AKAIN1: variants seen among roughly 807,000 people sequenced by gnomAD.
The protein encoded by AKAIN1 is A-kinase anchor protein inhibitor 1.
A neutral mutation model predicts 3.7 loss-of-function variants in AKAIN1; 3 were observed. That is an observed-to-expected ratio of 0.82 (90% CI 0.37 to 2.12). The LOEUF is 2.12. Ranked by LOEUF, AKAIN1 falls within the 30% of genes most tolerant of loss-of-function variation. The probability of loss-of-function intolerance (pLI) is 0.06; values close to 1 mark genes in which losing one functional copy is unlikely to be tolerated. For synonymous variants in AKAIN1, 31 were observed against 30.8 expected (o/e 1.01, Z -0.02); for missense variants, 82 against 82.7 (o/e 0.99, Z 0.03).
intron 1 of AKAIN1, among the ~76,000 whole-genome samples, chr18:5,149,463 T>C (rs1353250543): frequency 1.3e-5 from 2 of 152,206 alleles, no homozygotes; most frequent in African/African-American, 4.8e-5. Flanking sequence ...CTGAGCTTCA[T>C]ATTACAACTC....
At chr18:5,172,530 A>G (rs1454460257) in intron 1 of AKAIN1, among the ~76,000 whole-genome samples, 2 of 152,112 alleles carry the variant, frequency 1.3e-5, no homozygotes, top group African/African-American at 4.8e-5. Context: ...TGCAATGTGC[A>G]TCTTATCTAA....
intron 1 of AKAIN1, among the ~76,000 whole-genome samples, chr18:5,160,417 C>T (rs1034490556): frequency 2.6e-5 from 4 of 152,088 alleles, no homozygotes; most frequent in African/African-American, 9.7e-5. Flanking sequence ...GTTATGTGCC[C>T]ATTTTTCTAC....
chr18:5,165,538 G>A (rs986505516), intron 1 of AKAIN1, among the ~76,000 whole-genome samples: 7 of 151,992 alleles, frequency 4.6e-5, no homozygotes, highest in Non-Finnish European at 1.0e-4. Context: ...CAAAGCAAAT[G>A]CTCAGGATTC....
chr18:5,181,284 C>A (rs906832963), intron 1 of AKAIN1, among the ~76,000 whole-genome samples: 1 of 152,028 alleles, frequency 6.6e-6, no homozygotes, highest in Non-Finnish European at 1.5e-5. Flanking sequence ...AGAGTAAGAC[C>A]TCATCTCAAA....
chr18:5,169,924 C>T lies in AKAIN1; in HGVS notation c.17-24169G>A, dbSNP rs536170790. ...GTAGGTTGCAGTTACTCTTCACCTGCAGCCTTTCAGGCCTGTGATGGCCTA... is the reference window on the plus strand; with the variant it reads ...GTAGGTTGCAGTTACTCTTCACCTGTAGCCTTTCAGGCCTGTGATGGCCTA... On this transcript the variant is annotated intron_variant, in intron 1 of 1. Coordinates refer to ENST00000434239, the MANE Select transcript of AKAIN1 (RefSeq NM_001145194.2). 1.8e-3 allele frequency among the ~76,000 whole-genome samples: 272 copies of T among 152,272 alleles called. 2 individuals are homozygous for T. Among genetic ancestry groups the T allele is most frequent in the African/African-American group, 6.2e-3 (257 of 41,570 alleles).
chr18:5,163,942 T>G (rs1009382297), intron 1 of AKAIN1: 5 of 152,092 alleles, frequency 3.3e-5, no homozygotes, highest in Non-Finnish European at 5.9e-5. Flanking sequence ...CATCATGTAC[T>G]GAGCAGCTTA....
Position 5,197,155 on chromosome 18 carries a change from GC to G in AKAIN1, c.-103del, listed in dbSNP as rs2071353435. On this transcript the variant is annotated 5_prime_UTR_variant, in exon 1 of 2. Coordinates refer to ENST00000434239, the MANE Select transcript of AKAIN1 (RefSeq NM_001145194.2). This position sits in a 1 kb window ranked among gnomAD's most constrained non-coding sequence, Gnocchi z 6.9. ...GGCGGGGTCCGGTGCAGGAGGGCGC[GC>G]TGGGCGGGCGGCGGGCGGGGCGGTC... is the stretch of plus-strand genomic sequence containing the variant. The G allele has an allele frequency of 6.6e-7, 1 of 1,523,670 alleles. No homozygotes were observed. Among genetic ancestry groups the G allele is most frequent in the African/African-American group, 1.4e-5 (1 of 71,318 alleles). 94.4% of individuals were successfully genotyped at this position (1,523,670 alleles called of 1,614,324 possible).
chr18:5,164,316 A>AAAGTAG (rs1223907651), intron 1 of AKAIN1, among the ~76,000 whole-genome samples: 1 of 152,110 alleles, frequency 6.6e-6, no homozygotes. Flanking sequence ...AGAATTCAGC[A>AAAGTAG]AAGTAGAAGA....
intron 1 of AKAIN1, among the ~76,000 whole-genome samples, chr18:5,167,064 C>T (rs1406488577): frequency 2.0e-5 from 3 of 151,982 alleles, no homozygotes; most frequent in South Asian, 2.1e-4. Context: ...CATACTAAAA[C>T]GTGTTAAAAA....
chr18:5,160,826 A>G (rs2071135029), intron 1 of AKAIN1, among the ~76,000 whole-genome samples: 1 of 152,080 alleles, frequency 6.6e-6, no homozygotes, highest in Admixed American at 6.6e-5. Flanking sequence ...TTCCCTACTG[A>G]CTTGCCATGC....
chr18:5,170,641 C>G lies in AKAIN1; in HGVS notation c.17-24886G>C, dbSNP rs182834275. 16 of 152,248 alleles carry G rather than the reference C, an allele frequency of 1.1e-4. No homozygotes were observed. In the East Asian group the frequency reaches 2.5e-3, roughly 24 times the overall value. 9.4% of individuals were successfully genotyped at this position (152,248 alleles called of 1,614,324 possible). A position where few individuals can be genotyped will look rare whatever the true frequency, so the allele number is the denominator to read the frequency against. ...AGATTGTTTTTCAAAATGACCAAAG[C>G]AATATGCCTGTTTTCCCATTTTCTT... On this transcript the variant is annotated intron_variant, in intron 1 of 1. Transcript: ENST00000434239.
chr18:5,175,084 A>C (rs1281648476), intron 1 of AKAIN1, among the ~76,000 whole-genome samples: 1 of 152,128 alleles, frequency 6.6e-6, no homozygotes, highest in Non-Finnish European at 1.5e-5. Context: ...TGCTGTCTTA[A>C]AATTCTTAAT....
At chr18:5,184,552 G>A (rs562462563) in intron 1 of AKAIN1, among the ~76,000 whole-genome samples, 7 of 151,804 alleles carry the variant, frequency 4.6e-5, no homozygotes, top group African/African-American at 1.2e-4. Context: ...CAATAACCTC[G>A]AAGCTGAGAG....
intron 1 of AKAIN1, among the ~76,000 whole-genome samples, chr18:5,189,218 G>C (rs2071304844): frequency 6.6e-6 from 1 of 152,122 alleles, no homozygotes; most frequent in Admixed American, 6.5e-5. Context: ...AAAGCTCTCA[G>C]CCAGGGATAA....
chr18:5,185,166 C>T (rs1430943664), intron 1 of AKAIN1, among the ~76,000 whole-genome samples: 5 of 152,124 alleles, frequency 3.3e-5, no homozygotes, highest in African/African-American at 9.7e-5. Context: ...AAACTAGACC[C>T]TTTCCTTGCA....
At chr18:5,166,081 C>G (rs1223977117) in intron 1 of AKAIN1, among the ~76,000 whole-genome samples, 1 of 152,030 alleles carries the variant, frequency 6.6e-6, no homozygotes, top group African/African-American at 2.4e-5. Flanking sequence ...TTCAAACTCC[C>G]TGATTTCTAT....
Position 5,197,044 on chromosome 18 carries a change from C to G in AKAIN1, c.10G>C (p.Ala4Pro). The G allele has an allele frequency of 6.4e-7, 1 of 1,551,108 alleles. No homozygotes were observed. Among genetic ancestry groups the G allele is most frequent in the Non-Finnish European group, 8.7e-7 (1 of 1,146,486 alleles). The stretch of plus-strand genomic sequence containing the variant: ...AAAGCAAGGTGCGGTGTACCTGGAG[C>G]GAACACCATGATTTCTTCCAGCCGC... MVF[A>P]PGEKPGNEPE... Residue 4 changes from alanine (A) to proline (P), a missense_variant, in exon 1 of 2, where the codon GCT (alanine) becomes CCT (proline). By Grantham distance (27) the Ala-to-Pro change is conservative (BLOSUM62 -1). Transcript: ENST00000434239. The surrounding 1 kb of genome is among the most constrained non-coding windows in gnomAD (Gnocchi z 6.9).
intron 1 of AKAIN1, among the ~76,000 whole-genome samples, chr18:5,176,084 C>A (rs2071224573): frequency 6.6e-6 from 1 of 152,070 alleles, no homozygotes; most frequent in Non-Finnish European, 1.5e-5. Context: ...GAGAGAGGAA[C>A]AAAATCACCT....
intron 1 of AKAIN1, among the ~76,000 whole-genome samples, chr18:5,151,675 C>G (rs2071080996): frequency 6.6e-6 from 1 of 152,202 alleles, no homozygotes; most frequent in Non-Finnish European, 1.5e-5. Context: ...AGAGTCACCC[C>G]TGACTCTACC....
Sources: gnomAD v4.1 joint callset for allele counts (sites outside exome capture counted in the v4.1 genomes callset) on GRCh38, gnomAD v4.1.1 for gene constraint, Gnocchi (gnomAD v3.1) non-coding constraint, MANE v1.5 for transcripts, NCBI Gene and HGNC (gene_info 2026-07-23, HGNC 2026-07-21) for gene names.